Variants in ARHGAP32 observed in about 807,000 individuals in gnomAD.
ARHGAP32 encodes Rho GTPase activating protein 32.
Under a neutral mutation model 186.5 loss-of-function variants are expected in ARHGAP32, and 51 were observed. The ratio of observed to expected loss-of-function variants is 0.27; its 90% CI spans 0.22 to 0.35. The LOEUF (loss-of-function observed/expected upper bound fraction) is 0.35, where lower values mean the gene tolerates loss of function less well. ARHGAP32 is among the 10% of genes least tolerant of loss of function. ARHGAP32 has a pLI of 1.00. For synonymous variants in ARHGAP32, 950 were observed against 964.3 expected (o/e 0.99, Z 0.27); for missense variants, 2,186 against 2,623.5 (o/e 0.83, Z 3.64).
intron 1 of ARHGAP32, among the ~76,000 whole-genome samples, chr11:129,270,740 A>G (rs1452243160): frequency 6.6e-6 from 1 of 152,110 alleles, no homozygotes; most frequent in Non-Finnish European, 1.5e-5. Context: ...TAAAAAAAAA[A>G]AGGAACATCA....
intron 1 of ARHGAP32, among the ~76,000 whole-genome samples, chr11:129,263,709 G>A (rs1945356249): frequency 6.6e-6 from 1 of 151,322 alleles, no homozygotes; most frequent in South Asian, 2.1e-4. Flanking sequence ...AGAGGAAAGA[G>A]GAAAGGAAAG....
At chr11:129,059,072 T>TGA (rs1471578645) in intron 10 of ARHGAP32, among the ~76,000 whole-genome samples, 6 of 152,204 alleles carry the variant, frequency 3.9e-5, no homozygotes, top group African/African-American at 1.4e-4. Flanking sequence ...TCTTGCTGGT[T>TGA]GAGCAGGAAA....
At chr11:129,019,798 G>A (rs1029045476) in intron 11 of ARHGAP32, among the ~76,000 whole-genome samples, 1 of 151,972 alleles carries the variant, frequency 6.6e-6, no homozygotes, top group Non-Finnish European at 1.5e-5. Context: ...AGCTTTTATT[G>A]TTTTCCAATA....
intron 1 of ARHGAP32, among the ~76,000 whole-genome samples, chr11:129,232,869 A>G (rs1014877349): frequency 2.6e-5 from 4 of 152,080 alleles, no homozygotes; most frequent in Non-Finnish European, 5.9e-5. Flanking sequence ...TCTTTCCGCT[A>G]CCAGCCTGAG....
chr11:128,969,191 T>C lies in ARHGAP32; in HGVS notation c.6022A>G (p.Thr2008Ala). 6.2e-7 allele frequency: 1 copy of C among 1,613,826 alleles called. No individual in the cohort carries two copies. Among genetic ancestry groups the C allele is most frequent in the Non-Finnish European group, 8.5e-7 (1 of 1,179,876 alleles). The change falls in exon 23 of 23, where the codon ACC (threonine) becomes GCC (alanine). Residue 2008 changes from threonine (T) to alanine (A), a missense_variant. Coordinates refer to ENST00000682385, the MANE Select transcript of ARHGAP32 (RefSeq NM_001378024.1). This position sits in a 1 kb window ranked among gnomAD's most constrained non-coding sequence, Gnocchi z 4.8. ...CTGGGGTCCCTCTCCACGTTCTGGG[T>C]ATGATGGAGTTTGAGGCTATGACTC... ...ERSHSLKLHH[T>A]QNVERDPSVL...
At chr11:129,221,116 G>C (rs955686540) in intron 1 of ARHGAP32, among the ~76,000 whole-genome samples, 4 of 151,976 alleles carry the variant, frequency 2.6e-5, no homozygotes, top group Non-Finnish European at 4.4e-5. Flanking sequence ...AATAATGTCT[G>C]GAAGCTGAGG....
intron 12 of ARHGAP32, among the ~76,000 whole-genome samples, chr11:128,988,809 C>A (rs937404149): frequency 6.6e-6 from 1 of 152,176 alleles, no homozygotes; most frequent in Non-Finnish European, 1.5e-5. Flanking sequence ...TGAATATACA[C>A]TGGACAGCTA....
chr11:129,067,678 GTATAGCATA>G (rs1451604995), intron 6 of ARHGAP32, among the ~76,000 whole-genome samples: 1 of 152,006 alleles, frequency 6.6e-6, no homozygotes, highest in Non-Finnish European at 1.5e-5. Flanking sequence ...AATCCCGACT[GTATAGCATA>G]TAGTTTTGCA....
chr11:129,062,492 T>TACC (rs1940541141), intron 9 of ARHGAP32, 135 bp from the exon 10 acceptor site: 1 of 571,500 alleles, frequency 1.7e-6, no homozygotes, highest in Non-Finnish European at 2.9e-6. Context: ...CCAAAAAAAG[T>TACC]ACCATTTCTT....
intron 1 of ARHGAP32, among the ~76,000 whole-genome samples, chr11:129,249,587 A>T (rs969372034): frequency 6.6e-6 from 1 of 152,156 alleles, no homozygotes; most frequent in African/African-American, 2.4e-5. Flanking sequence ...CTACCACATG[A>T]AAATCTATCC....
intron 11 of ARHGAP32, among the ~76,000 whole-genome samples, chr11:129,025,907 G>A (rs1938823724): frequency 6.7e-6 from 1 of 148,550 alleles, no homozygotes; most frequent in Admixed American, 6.8e-5. Context: ...ATATATTTAA[G>A]TAATACATGT....
At position 128,970,232 on chromosome 11, in the gene ARHGAP32, G is replaced by A; in HGVS notation, c.4981C>T (p.His1661Tyr). ...LQPYFENGRV[H>Y]YRYSPYSSSS... The stretch of plus-strand genomic sequence containing the variant: ...CTGGAATATGGGCTATACCTGTAGT[G>A]GACCCGGCCATTCTCAAAGTAAGGC... Residue 1661 changes from histidine (H) to tyrosine (Y), a missense_variant, in exon 23 of 23, where the codon CAC becomes TAC. Coordinates refer to ENST00000682385, the MANE Select transcript of ARHGAP32 (RefSeq NM_001378024.1). The surrounding 1 kb of genome is among the most constrained non-coding windows in gnomAD (Gnocchi z 5.8). 1.2e-6 allele frequency: 2 copies of A among 1,614,182 alleles called. No homozygotes were observed. The highest frequency in any genetic ancestry group is 1.7e-6 in the Non-Finnish European group (2 of 1,180,028).
intron 2 of ARHGAP32, among the ~76,000 whole-genome samples, chr11:129,147,269 A>G (rs1251895934): frequency 6.6e-6 from 1 of 152,180 alleles, no homozygotes; most frequent in African/African-American, 2.4e-5. Context: ...TGCTTAGACA[A>G]TTCACTGTGG....
At chr11:129,168,009 C>T (rs568463572) in intron 1 of ARHGAP32, among the ~76,000 whole-genome samples, 2 of 152,068 alleles carry the variant, frequency 1.3e-5, no homozygotes, top group Admixed American at 6.5e-5. Flanking sequence ...CTTCAAGAGG[C>T]CAAGGTGGGC....
chr11:129,067,005 A>G (rs1036983986), intron 6 of ARHGAP32, 137 bp from the exon 7 acceptor site: 1 of 718,262 alleles, frequency 1.4e-6, no homozygotes, highest in Non-Finnish European at 2.2e-6. Flanking sequence ...CTTGATAGTT[A>G]ATAGCTAAAA....
intron 1 of ARHGAP32, among the ~76,000 whole-genome samples, chr11:129,219,269 C>G (rs1944683774): frequency 6.6e-6 from 1 of 152,106 alleles, no homozygotes; most frequent in Non-Finnish European, 1.5e-5. Context: ...TTGCAAGTAC[C>G]TAGGACTATA....
chr11:129,075,911 C>A (rs1941025369), intron 6 of ARHGAP32, among the ~76,000 whole-genome samples: 1 of 152,080 alleles, frequency 6.6e-6, no homozygotes, highest in African/African-American at 2.4e-5. Flanking sequence ...GGAGGTTAGG[C>A]ATTCTAAGTC....
chr11:129,230,965 T>A (rs1464695248), intron 1 of ARHGAP32, among the ~76,000 whole-genome samples: 1 of 151,938 alleles, frequency 6.6e-6, no homozygotes, highest in Non-Finnish European at 1.5e-5. Context: ...TGAAACCCCA[T>A]CTCTACTAAA....
chr11:129,125,422 G>A (rs549462783), intron 2 of ARHGAP32, among the ~76,000 whole-genome samples: 3 of 151,744 alleles, frequency 2.0e-5, no homozygotes, highest in South Asian at 4.2e-4. Flanking sequence ...AAAACAAAAT[G>A]AAAAATCAAA....
Sources: gnomAD v4.1 joint callset for allele counts (sites outside exome capture counted in the v4.1 genomes callset) on GRCh38, gnomAD v4.1.1 for gene constraint, Gnocchi (gnomAD v3.1) non-coding constraint, MANE v1.5 for transcripts, NCBI Gene and HGNC (gene_info 2026-07-23, HGNC 2026-07-21) for gene names.